Variants in NXPH1 observed in about 807,000 individuals in gnomAD.
The protein encoded by NXPH1 is neurexophilin 1.
NXPH1 carries 5 observed loss-of-function variants against 23.7 expected under a neutral mutation model. The ratio of observed to expected loss-of-function variants is 0.21; its 90% CI spans 0.11 to 0.44. The LOEUF (loss-of-function observed/expected upper bound fraction) is 0.44. NXPH1 is among the 20% of genes least tolerant of loss of function. The probability of loss-of-function intolerance (pLI) is 0.99; values close to 1 mark genes in which losing one functional copy is unlikely to be tolerated. For missense variants in NXPH1, 324 were observed against 321.6 expected, an observed-to-expected ratio of 1.01 and a Z score of -0.06; for synonymous variants, 144 against 122.2, an observed-to-expected ratio of 1.18 and a Z score of -1.18.
At chr7:8,546,473 C>G (rs1032733422) in intron 2 of NXPH1, among the ~76,000 whole-genome samples, 2 of 150,482 alleles carry the variant, frequency 1.3e-5, no homozygotes, top group African/African-American at 4.9e-5. Flanking sequence ...AATCTATGGA[C>G]TCTGTCTTAG....
intron 2 of NXPH1, among the ~76,000 whole-genome samples, chr7:8,673,620 C>T (rs899776074): frequency 6.6e-6 from 1 of 152,030 alleles, no homozygotes; most frequent in Non-Finnish European, 1.5e-5. Flanking sequence ...TGCTTTCATG[C>T]ATACATTTGG....
chr7:8,439,869 C>T (rs77106418), intron 2 of NXPH1, among the ~76,000 whole-genome samples: 1,646 of 152,306 alleles, frequency 0.011, 28 homozygotes, highest in African/African-American at 0.036. Context: ...AATGTCTTTT[C>T]TTTGGACTAG....
chr7:8,624,247 ATGTCT>A (rs1819941663), intron 2 of NXPH1, among the ~76,000 whole-genome samples: 2 of 152,140 alleles, frequency 1.3e-5, no homozygotes, highest in Admixed American at 1.3e-4. Flanking sequence ...AAGGGCAGGA[ATGTCT>A]TTAGAGAAAG....
At chr7:8,580,350 G>C (rs941755396) in intron 2 of NXPH1, among the ~76,000 whole-genome samples, 1 of 152,146 alleles carries the variant, frequency 6.6e-6, no homozygotes, top group Admixed American at 6.5e-5. Flanking sequence ...ATAAAGGCAA[G>C]AAGAGAGACA....
chr7:8,724,718 A>C (rs1054340201), intron 2 of NXPH1, among the ~76,000 whole-genome samples: 1 of 152,144 alleles, frequency 6.6e-6, no homozygotes, highest in East Asian at 1.9e-4. Flanking sequence ...GTTACCAAGG[A>C]TATTTTTTCT....
At chr7:8,621,360 G>C (rs1488107215) in intron 2 of NXPH1, among the ~76,000 whole-genome samples, 1 of 152,162 alleles carries the variant, frequency 6.6e-6, no homozygotes, top group African/African-American at 2.4e-5. Context: ...AACAAGATGG[G>C]TTGCAGCAGA....
At chr7:8,526,128 G>A (rs776745830) in intron 2 of NXPH1, among the ~76,000 whole-genome samples, 5 of 152,228 alleles carry the variant, frequency 3.3e-5, no homozygotes, top group African/African-American at 9.6e-5. Flanking sequence ...CCAAGACCAT[G>A]GGAACCCACT....
intron 2 of NXPH1, among the ~76,000 whole-genome samples, chr7:8,724,265 A>G (rs1780014222): frequency 1.3e-5 from 2 of 152,204 alleles, no homozygotes; most frequent in Admixed American, 1.3e-4. Context: ...AGCACCATGA[A>G]TAGAGGCAGC....
intron 2 of NXPH1, among the ~76,000 whole-genome samples, chr7:8,723,103 T>A (rs1274261467): frequency 6.6e-6 from 1 of 152,214 alleles, no homozygotes; most frequent in Non-Finnish European, 1.5e-5. Flanking sequence ...AACATACCCA[T>A]AAAATTGTGT....
intron 2 of NXPH1, among the ~76,000 whole-genome samples, chr7:8,461,721 T>C (rs1449269242): frequency 6.7e-6 from 1 of 149,628 alleles, no homozygotes; most frequent in Non-Finnish European, 1.5e-5. Flanking sequence ...TCCCAGCTAC[T>C]CGGGAGGCTG....
At chr7:8,653,055 T>C (rs987320628) in intron 2 of NXPH1, among the ~76,000 whole-genome samples, 3 of 152,198 alleles carry the variant, frequency 2.0e-5, no homozygotes, top group African/African-American at 4.8e-5. Flanking sequence ...TTGTCTCTTT[T>C]TAAGTTTTCA....
At chr7:8,604,005 G>A (rs1468138790) in intron 2 of NXPH1, among the ~76,000 whole-genome samples, 1 of 151,850 alleles carries the variant, frequency 6.6e-6, no homozygotes, top group Non-Finnish European at 1.5e-5. Context: ...TCTTTCTTGG[G>A]ACAAATGCAA....
At chr7:8,724,455 T>C (rs1780017160) in intron 2 of NXPH1, among the ~76,000 whole-genome samples, 1 of 152,208 alleles carries the variant, frequency 6.6e-6, no homozygotes, top group Non-Finnish European at 1.5e-5. Flanking sequence ...CTATCCACAG[T>C]GCTCAAGGTA....
intron 2 of NXPH1, among the ~76,000 whole-genome samples, chr7:8,520,546 C>T (rs750782733): frequency 1.3e-5 from 2 of 152,148 alleles, no homozygotes; most frequent in Non-Finnish European, 2.9e-5. Flanking sequence ...GCTTATTGAT[C>T]CATTTCCCCC....
At chr7:8,436,525 G>C (rs1323802224) in intron 2 of NXPH1, among the ~76,000 whole-genome samples, 4 of 152,176 alleles carry the variant, frequency 2.6e-5, no homozygotes, top group Non-Finnish European at 5.9e-5. Context: ...TACACTGCTG[G>C]AACTCGGCTC....
At chr7:8,614,530 TAGAC>T (rs1189495696) in intron 2 of NXPH1, among the ~76,000 whole-genome samples, 2 of 151,898 alleles carry the variant, frequency 1.3e-5, no homozygotes, top group African/African-American at 2.4e-5. Flanking sequence ...CGTTTAGAAA[TAGAC>T]ATACATGTGC....
At chr7:8,494,597 T>A (rs1817305503) in intron 2 of NXPH1, among the ~76,000 whole-genome samples, 1 of 151,658 alleles carries the variant, frequency 6.6e-6, no homozygotes, top group Non-Finnish European at 1.5e-5. Flanking sequence ...TTATTATTAC[T>A]ATCATATTTT....
chr7:8,576,653 A>G (rs1490971966), intron 2 of NXPH1, among the ~76,000 whole-genome samples: 2 of 152,096 alleles, frequency 1.3e-5, no homozygotes, highest in Non-Finnish European at 2.9e-5. Flanking sequence ...CAGATCGTAC[A>G]TGACTTTGTG....
At chr7:8,592,396 C>T (rs747124186) in intron 2 of NXPH1, among the ~76,000 whole-genome samples, 1 of 151,932 alleles carries the variant, frequency 6.6e-6, no homozygotes, top group Non-Finnish European at 1.5e-5. Context: ...TAGTTTAAAC[C>T]GTGCCCATAT....
Sources: allele counts gnomAD v4.1 joint callset (sites outside exome capture counted in the v4.1 genomes callset), GRCh38; gene constraint gnomAD v4.1.1; transcripts MANE v1.5; gene names NCBI Gene and HGNC (gene_info 2026-07-23, HGNC 2026-07-21).